RANBP10: variants seen among roughly 807,000 people sequenced by gnomAD.
The protein encoded by RANBP10 is RAN binding protein 10.
RANBP10 carries 24 observed loss-of-function variants against 72.8 expected under a neutral mutation model. The observed-to-expected ratio is 0.33, with a 90% confidence interval of 0.24 to 0.46. The LOEUF (loss-of-function observed/expected upper bound fraction) is 0.46, where lower values mean the gene tolerates loss of function less well. Among genes scored for constraint, RANBP10 ranks in the 20% least tolerant of loss-of-function variants. The pLI, the probability that RANBP10 is intolerant of heterozygous loss-of-function variation, is 1.00. For missense variants in RANBP10, 679 were observed against 817.5 expected (o/e 0.83, Z 2.07); for synonymous variants, 310 against 322.3 (o/e 0.96, Z 0.41).
chr16:67,751,431 C>G (rs963801796), intron 3 of RANBP10, among the ~76,000 whole-genome samples: 1 of 152,196 alleles, frequency 6.6e-6, no homozygotes, highest in Non-Finnish European at 1.5e-5. Flanking sequence ...TGAAACCAGC[C>G]TGGCCAACAT....
intron 2 of RANBP10, among the ~76,000 whole-genome samples, chr16:67,774,383 T>C (rs1229041119): frequency 6.6e-6 from 1 of 152,204 alleles, no homozygotes; most frequent in East Asian, 1.9e-4. Context: ...CAACATTCTA[T>C]GGGAATGGGG....
chr16:67,742,422 G>A (rs991883677), intron 4 of RANBP10, among the ~76,000 whole-genome samples: 2 of 152,278 alleles, frequency 1.3e-5, no homozygotes, highest in African/African-American at 4.8e-5. Flanking sequence ...GTGTTGACAG[G>A]CTGGAAAAAA....
At chr16:67,771,809 A>G (rs575341140) in intron 3 of RANBP10, among the ~76,000 whole-genome samples, 1 of 152,358 alleles carries the variant, frequency 6.6e-6, no homozygotes, top group East Asian at 1.9e-4. Context: ...GATGGCAAAC[A>G]GTTCAAATTC....
intron 2 of RANBP10, among the ~76,000 whole-genome samples, chr16:67,782,167 G>T (rs1425784889): frequency 1.3e-5 from 2 of 151,912 alleles, no homozygotes; most frequent in Non-Finnish European, 2.9e-5. Flanking sequence ...TTGAGACAGG[G>T]TCTCACTCTG....
intron 2 of RANBP10, among the ~76,000 whole-genome samples, chr16:67,777,408 G>A (rs1478835585): frequency 6.7e-6 from 1 of 150,220 alleles, no homozygotes; most frequent in South Asian, 2.1e-4. Flanking sequence ...TGGTGGCGGG[G>A]GCCTGTAGTC....
chr16:67,781,665 C>T (rs564327547), intron 2 of RANBP10, among the ~76,000 whole-genome samples: 4 of 152,290 alleles, frequency 2.6e-5, no homozygotes, highest in South Asian at 2.1e-4. Context: ...ACAAGCTCTT[C>T]GTGGCAGTGA....
intron 3 of RANBP10, among the ~76,000 whole-genome samples, chr16:67,751,946 G>A (rs2054205773): frequency 6.6e-6 from 1 of 151,060 alleles, no homozygotes; most frequent in Non-Finnish European, 1.5e-5. Context: ...TATAAATATG[G>A]ATTTTAAATT....
At chr16:67,750,761 C>CTTTTTTTTTTTTT (rs914921755) in intron 3 of RANBP10, among the ~76,000 whole-genome samples, 6 of 110,252 alleles carry the variant, frequency 5.4e-5, no homozygotes, top group East Asian at 2.6e-4. Context: ...TTTTCACTTT[C>CTTTTTTTTTTTTT]TTTTTTTTTT....
intron 2 of RANBP10, among the ~76,000 whole-genome samples, chr16:67,779,192 C>T (rs1423239092): frequency 1.3e-5 from 2 of 152,054 alleles, no homozygotes; most frequent in Non-Finnish European, 2.9e-5. Flanking sequence ...ACCAGGAGTT[C>T]GAGATCAGCC....
In RANBP10 at chr16:67,724,262, T is replaced by C. The variant is rs2053567565; in HGVS notation, c.*2166A>G. On this transcript the variant is annotated 3_prime_UTR_variant, in exon 14 of 14. Transcript: ENST00000317506. ...TTTATCTGCCATTCGGTTTCAGGAC[T>C]AAATAGTGTTGCCCAACCCACAGGG... 1 of 152,240 alleles carries C rather than the reference T, an allele frequency of 6.6e-6. No homozygotes were observed. Among genetic ancestry groups the C allele is most frequent in the Non-Finnish European group, 1.5e-5 (1 of 68,050 alleles). The allele number at this position is 152,240 out of a possible 1,614,324, so 9.4% of individuals were successfully genotyped here. A position where few individuals can be genotyped will look rare whatever the true frequency, so the allele number is the denominator to read the frequency against.
At chr16:67,789,486 T>G (rs188918791) in intron 2 of RANBP10, among the ~76,000 whole-genome samples, 1 of 151,560 alleles carries the variant, frequency 6.6e-6, no homozygotes, top group East Asian at 2.0e-4. Flanking sequence ...TCTTTTTTTT[T>G]TGAGATGGAG....
chr16:67,792,601 T>C (rs1293447009), intron 2 of RANBP10, among the ~76,000 whole-genome samples: 1 of 149,340 alleles, frequency 6.7e-6, no homozygotes, highest in Non-Finnish European at 1.5e-5. Context: ...CTGGCCAATA[T>C]GGTGAAGCCC....
chr16:67,798,652 G>A (rs1341596069), intron 2 of RANBP10, among the ~76,000 whole-genome samples: 1 of 152,182 alleles, frequency 6.6e-6, no homozygotes, highest in African/African-American at 2.4e-5. Flanking sequence ...CTGGCTACCA[G>A]TCTTTCACAC....
chr16:67,733,948 C>T (rs1327185334), intron 6 of RANBP10, among the ~76,000 whole-genome samples: 3 of 152,174 alleles, frequency 2.0e-5, no homozygotes, highest in East Asian at 1.9e-4. Context: ...CTGGGAGTGG[C>T]GCTGTCCTGG....
intron 2 of RANBP10, among the ~76,000 whole-genome samples, chr16:67,794,637 C>T (rs1165765273): frequency 6.7e-6 from 1 of 149,842 alleles, no homozygotes; most frequent in East Asian, 2.0e-4. Context: ...ATTCTCCTGC[C>T]TCAGCCTCCC....
In RANBP10 at chr16:67,724,595, G is replaced by A. The variant is rs1486611736; in HGVS notation, c.*1833C>T. ...TGGTCTATGGGTCTGCCAGCCCCAA[G>A]GACCAAGAAAAAGCAGCAGCTATAG... On this transcript the variant is annotated 3_prime_UTR_variant, in exon 14 of 14. Coordinates refer to ENST00000317506, the MANE Select transcript of RANBP10 (RefSeq NM_020850.3). The A allele has an allele frequency of 1.3e-5, 2 of 152,290 alleles. No homozygotes were observed. The highest frequency in any genetic ancestry group is 2.9e-5 in the Non-Finnish European group (2 of 68,084). 9.4% of individuals were successfully genotyped at this position (152,290 alleles called of 1,614,324 possible).
intron 3 of RANBP10, 125 bp from the exon 4 acceptor site, chr16:67,744,580 C>T: frequency 9.5e-7 from 1 of 1,055,846 alleles, no homozygotes; most frequent in Non-Finnish European, 1.4e-6. Context: ...GCACTCTTGG[C>T]TTCTAGCAGA....
At chr16:67,727,136 A>G (rs2053617170) in intron 13 of RANBP10, among the ~76,000 whole-genome samples, 191 bp downstream of exon 13, 1 of 152,234 alleles carries the variant, frequency 6.6e-6, no homozygotes, top group Non-Finnish European at 1.5e-5. Flanking sequence ...TCTACTAAAA[A>G]TACAACAACT....
intron 2 of RANBP10, among the ~76,000 whole-genome samples, chr16:67,781,390 G>A (rs1378214566): frequency 2.6e-5 from 4 of 152,182 alleles, no homozygotes; most frequent in African/African-American, 9.6e-5. Flanking sequence ...CAGCCTGGGA[G>A]GGAGGGCGGC....
Sources: allele counts gnomAD v4.1 joint callset (sites outside exome capture counted in the v4.1 genomes callset), GRCh38; gene constraint gnomAD v4.1.1; transcripts MANE v1.5; gene names NCBI Gene and HGNC (gene_info 2026-07-23, HGNC 2026-07-21).